TMEM132B: variants seen among roughly 807,000 people sequenced by gnomAD.
TMEM132B encodes transmembrane protein 132B.
Under a neutral mutation model 90.8 loss-of-function variants are expected in TMEM132B, and 18 were observed. That is an observed-to-expected ratio of 0.20 (90% CI 0.14 to 0.29). The LOEUF (loss-of-function observed/expected upper bound fraction) is 0.29, where lower values mean the gene tolerates loss of function less well. TMEM132B is among the 10% of genes least tolerant of loss of function. The pLI, the probability that TMEM132B is intolerant of heterozygous loss-of-function variation, is 1.00. For synonymous variants in TMEM132B, 504 were observed against 523.3 expected (o/e 0.96, Z 0.50); for missense variants, 1,096 against 1,326.8 (o/e 0.83, Z 2.70).
At chr12:125,561,448 C>A (rs1884530762) in intron 4 of TMEM132B, among the ~76,000 whole-genome samples, 1 of 152,084 alleles carries the variant, frequency 6.6e-6, no homozygotes, top group South Asian at 2.1e-4. Context: ...TACAGCAAAC[C>A]ACCATGGCAC....
chr12:125,569,291 T>C (rs926830536), intron 4 of TMEM132B, among the ~76,000 whole-genome samples: 8 of 152,122 alleles, frequency 5.3e-5, no homozygotes, highest in Non-Finnish European at 8.8e-5. Context: ...ATGCTGGATA[T>C]TATCGCCCCA....
chr12:125,393,226 A>C (rs1185116754), intron 2 of TMEM132B, among the ~76,000 whole-genome samples: 1 of 152,206 alleles, frequency 6.6e-6, no homozygotes, highest in Non-Finnish European at 1.5e-5. Flanking sequence ...TGATTGATTA[A>C]TCTGAGAAGT....
chr12:125,605,074 C>G (rs1197608782), intron 5 of TMEM132B, among the ~76,000 whole-genome samples: 1 of 152,044 alleles, frequency 6.6e-6, no homozygotes, highest in African/African-American at 2.4e-5. Flanking sequence ...GATTCTTGGC[C>G]CATATGAATG....
chr12:125,619,737 C>A lies in TMEM132B; in HGVS notation c.1438-24339C>A, dbSNP rs73418404. ...TTATAGTCTATTCTGAAGAGCCTGA[C>A]CACAGGCTGCTGGACAGGGGGATCC... On this transcript the variant is annotated intron_variant, in intron 5 of 8. Transcript: ENST00000682704. Among the ~76,000 whole-genome samples the A allele has an allele frequency of 4.5e-3, 690 of 152,254 alleles. 4 individuals are homozygous for A. Among genetic ancestry groups the A allele is most frequent in the African/African-American group, 0.015 (631 of 41,540 alleles).
In TMEM132B at chr12:125,460,022, T is replaced by A. The variant is rs528453525; in HGVS notation, c.1106+44345T>A. ...TGTGGGAGTGTGAGCCCATGAAACC[T>A]CTTTTTCTTTATAAATTACACAGTC... On this transcript the variant is annotated intron_variant, in intron 3 of 8. Coordinates refer to ENST00000682704, the MANE Select transcript of TMEM132B (RefSeq NM_001366854.1). This position sits in a 1 kb window ranked among gnomAD's most constrained non-coding sequence, Gnocchi z 4.4. Among the ~76,000 whole-genome samples, 5 of 152,334 alleles carry A rather than the reference T, an allele frequency of 3.3e-5. No individual in the cohort carries two copies. In the East Asian group the frequency reaches 9.6e-4, roughly 29 times the overall value.
chr12:125,334,672 G>A (rs1876896234), intron 1 of TMEM132B, among the ~76,000 whole-genome samples: 1 of 152,234 alleles, frequency 6.6e-6, no homozygotes, highest in Non-Finnish European at 1.5e-5. Flanking sequence ...GAGTCTTGCT[G>A]AGCTCCATGC....
chr12:125,631,766 G>A (rs1045267269), intron 5 of TMEM132B, among the ~76,000 whole-genome samples: 3 of 151,698 alleles, frequency 2.0e-5, no homozygotes, highest in African/African-American at 7.3e-5. Context: ...TTAGAGTTTT[G>A]TCTTGAAGTC....
rs547386753 is a variant in TMEM132B, at chr12:125,554,530, T to C, written c.1294-29321T>C. On this transcript the variant is annotated intron_variant, in intron 4 of 8. Transcript: ENST00000682704. ...TTATAATATGGAGCGGGCTTTTCTC[T>C]GCGTTGGTGGATCGTCATGCTCTTT... is the stretch of plus-strand genomic sequence containing the variant. 1.5e-3 allele frequency among the ~76,000 whole-genome samples: 230 copies of C among 151,584 alleles called. 1 individual carries two copies. The highest frequency in any genetic ancestry group is 0.014 in the Middle Eastern group (4 of 294).
At chr12:125,528,735 T>C (rs910260217) in intron 4 of TMEM132B, among the ~76,000 whole-genome samples, 13 of 152,190 alleles carry the variant, frequency 8.5e-5, no homozygotes, top group Admixed American at 8.5e-4. Context: ...TAACTACTAA[T>C]AGACTACTGT....
At chr12:125,461,800 A>G (rs1881442692) in intron 3 of TMEM132B, among the ~76,000 whole-genome samples, 1 of 152,232 alleles carries the variant, frequency 6.6e-6, no homozygotes, top group African/African-American at 2.4e-5. Context: ...CGGCGCTGCC[A>G]GGCCACCCTT....
chr12:125,626,311 A>C (rs1405653678), intron 5 of TMEM132B, among the ~76,000 whole-genome samples: 3 of 152,172 alleles, frequency 2.0e-5, no homozygotes, highest in Non-Finnish European at 4.4e-5. Context: ...GGTTGCTTCC[A>C]AGTCTTGGCT....
intron 2 of TMEM132B, among the ~76,000 whole-genome samples, chr12:125,354,958 CTG>C (rs745594247): frequency 3.9e-5 from 6 of 152,052 alleles, no homozygotes; most frequent in Non-Finnish European, 8.8e-5. Context: ...AACTGCGACT[CTG>C]AGAGGTGAGC....
At chr12:125,352,646 T>A (rs1404005132) in intron 2 of TMEM132B, among the ~76,000 whole-genome samples, 1 of 152,366 alleles carries the variant, frequency 6.6e-6, no homozygotes, top group East Asian at 1.9e-4. Context: ...AATGTTAGCC[T>A]ATTGTTGTTT....
chr12:125,433,363 A>T (rs773353954), intron 3 of TMEM132B, among the ~76,000 whole-genome samples: 3 of 152,032 alleles, frequency 2.0e-5, no homozygotes, highest in Non-Finnish European at 4.4e-5. Flanking sequence ...TTGAACTCCA[A>T]ATGGCTTTAT....
chr12:125,462,210 A>G (rs1322374811), intron 3 of TMEM132B, among the ~76,000 whole-genome samples: 3 of 152,212 alleles, frequency 2.0e-5, no homozygotes, highest in Non-Finnish European at 1.5e-5. Context: ...TATGTCCCCT[A>G]CACTTGGATT....
intron 1 of TMEM132B, among the ~76,000 whole-genome samples, chr12:125,270,499 G>A (rs1259928644): frequency 6.6e-6 from 1 of 152,146 alleles, no homozygotes; most frequent in East Asian, 1.9e-4. Context: ...TTCAAAGGAA[G>A]TGGAATGGGG....
rs185424968 is a variant in TMEM132B, at chr12:125,297,441, G to C, written c.68-52011G>C. On this transcript the variant is annotated intron_variant, in intron 1 of 8. Transcript: ENST00000682704. ...GGAAAATGGCCAGCCTTCTGGCTTA[G>C]TGCTGTTCCCAACACCATCCATCCT... Among the ~76,000 whole-genome samples, 21 of 152,358 alleles carry C rather than the reference G, an allele frequency of 1.4e-4. No homozygotes were observed. The East Asian group carries it at 1.9e-3, about 14-fold the overall frequency.
At chr12:125,229,772 T>G (rs1873773699) in intron 1 of TMEM132B, among the ~76,000 whole-genome samples, 1 of 152,236 alleles carries the variant, frequency 6.6e-6, no homozygotes, top group Admixed American at 6.5e-5. Context: ...GCACAGGTTT[T>G]CCTCATGAGA....
chr12:125,319,144 A>G (rs766596576), intron 1 of TMEM132B, among the ~76,000 whole-genome samples: 14 of 152,310 alleles, frequency 9.2e-5, no homozygotes, highest in Middle Eastern at 3.4e-3. Flanking sequence ...AGTTTCCTCA[A>G]TTGTAAAATG....
Sources: allele counts gnomAD v4.1 joint callset (sites outside exome capture counted in the v4.1 genomes callset), GRCh38; gene constraint gnomAD v4.1.1; non-coding constraint Gnocchi (gnomAD v3.1); transcripts MANE v1.5; gene names NCBI Gene and HGNC (gene_info 2026-07-23, HGNC 2026-07-21).